PPFIA2: variants seen among roughly 807,000 people sequenced by gnomAD.
PPFIA2 encodes the protein PPFI scaffold protein A2.
A neutral mutation model predicts 175.5 loss-of-function variants in PPFIA2; 46 were observed. That is an observed-to-expected ratio of 0.26 (90% CI 0.21 to 0.34). The LOEUF (loss-of-function observed/expected upper bound fraction) is 0.34, where lower values mean the gene tolerates loss of function less well. PPFIA2 is among the 10% of genes least tolerant of loss of function. The pLI, the probability that PPFIA2 is intolerant of heterozygous loss-of-function variation, is 1.00. For synonymous variants in PPFIA2, 568 were observed against 511.4 expected (o/e 1.11, Z -1.49); for missense variants, 1,179 against 1,506.1 (o/e 0.78, Z 3.60).
intron 4 of PPFIA2, among the ~76,000 whole-genome samples, chr12:81,662,440 A>G (rs1420922981): frequency 6.6e-6 from 1 of 152,222 alleles, no homozygotes; most frequent in African/African-American, 2.4e-5. Context: ...CAAACAAACT[A>G]GAAAATCTAG....
chr12:81,278,373 T>C (rs914330438), intron 27 of PPFIA2, among the ~76,000 whole-genome samples: 3 of 152,010 alleles, frequency 2.0e-5, no homozygotes, highest in Non-Finnish European at 4.4e-5. Flanking sequence ...AAACCCCGTC[T>C]CTACTAAAAG....
At chr12:81,367,281 T>G (rs2033769709) in intron 13 of PPFIA2, 111 bp from the exon 14 acceptor site, 1 of 750,718 alleles carries the variant, frequency 1.3e-6, no homozygotes. Flanking sequence ...CTTCCTTAGT[T>G]CAGGTATTTC....
intron 23 of PPFIA2, among the ~76,000 whole-genome samples, chr12:81,295,802 C>A (rs765275534): frequency 6.8e-6 from 1 of 146,202 alleles, no homozygotes; most frequent in Non-Finnish European, 1.5e-5. Flanking sequence ...ACCAGCCTGG[C>A]CAACTTGGTG....
chr12:81,662,481 C>A (rs1300252226), intron 4 of PPFIA2, among the ~76,000 whole-genome samples: 1 of 152,144 alleles, frequency 6.6e-6, no homozygotes, highest in African/African-American at 2.4e-5. Flanking sequence ...GACACATACA[C>A]CCTCCCAAGA....
chr12:81,469,193 A>G (rs2056295748), intron 4 of PPFIA2, among the ~76,000 whole-genome samples: 1 of 152,224 alleles, frequency 6.6e-6, no homozygotes, highest in Non-Finnish European at 1.5e-5. Flanking sequence ...TGCCCTTGTC[A>G]GCCTAGTTTG....
intron 4 of PPFIA2, among the ~76,000 whole-genome samples, chr12:81,558,619 C>T (rs1318630497): frequency 6.6e-6 from 1 of 152,112 alleles, no homozygotes; most frequent in Non-Finnish European, 1.5e-5. Flanking sequence ...GAAGCCAGGA[C>T]AGCAGAAGGA....
chr12:81,353,385 T>C, intron 16 of PPFIA2, 46 bp from the exon 17 acceptor site: 12 of 1,377,760 alleles, frequency 8.7e-6, no homozygotes, highest in Non-Finnish European at 1.2e-5. Flanking sequence ...ATATTGCTCA[T>C]TTTCAAAGCA....
chr12:81,548,905 A>G (rs1320777361), intron 4 of PPFIA2, among the ~76,000 whole-genome samples: 2 of 152,200 alleles, frequency 1.3e-5, no homozygotes. Context: ...TTAAACAAAG[A>G]AACTGCAGGT....
At chr12:81,422,053 C>CAT (rs895055529) in intron 7 of PPFIA2, among the ~76,000 whole-genome samples, 75 of 141,844 alleles carry the variant, frequency 5.3e-4, no homozygotes, top group Admixed American at 9.3e-4. Context: ...TATATATATA[C>CAT]ATATATATAT....
intron 4 of PPFIA2, among the ~76,000 whole-genome samples, chr12:81,607,846 G>C (rs2060486763): frequency 6.6e-6 from 1 of 152,104 alleles, no homozygotes; most frequent in Admixed American, 6.6e-5. Context: ...TAGGCGTGGT[G>C]AGAATGGACA....
chr12:81,447,421 C>T (rs2051498538), intron 5 of PPFIA2, among the ~76,000 whole-genome samples: 1 of 152,094 alleles, frequency 6.6e-6, no homozygotes, highest in Admixed American at 6.5e-5. Flanking sequence ...TATGTCAAGC[C>T]TTTGCTTATG....
At chr12:81,648,900 T>A (rs1166974162) in intron 4 of PPFIA2, among the ~76,000 whole-genome samples, 3 of 151,918 alleles carry the variant, frequency 2.0e-5, no homozygotes, top group Non-Finnish European at 1.5e-5. Flanking sequence ...AGTTTTTTTT[T>A]AAAGAAATAT....
chr12:81,290,172 C>A (rs11114813), intron 24 of PPFIA2, among the ~76,000 whole-genome samples: 2 of 151,414 alleles, frequency 1.3e-5, no homozygotes. Flanking sequence ...GCTGAGGAAC[C>A]CAAGCCCAAA....
At chr12:81,263,728 A>G (rs1373347148) in intron 30 of PPFIA2, among the ~76,000 whole-genome samples, 1 of 152,234 alleles carries the variant, frequency 6.6e-6, no homozygotes, top group African/African-American at 2.4e-5. Context: ...GACGGGTTTT[A>G]TGGAAAGAGA....
chr12:81,309,031 T>C (rs573431942), intron 22 of PPFIA2, among the ~76,000 whole-genome samples: 1 of 152,316 alleles, frequency 6.6e-6, no homozygotes, highest in South Asian at 2.1e-4. Flanking sequence ...TCAAATAATG[T>C]GACAATGCAA....
At chr12:81,555,089 C>T (rs528237545) in intron 4 of PPFIA2, among the ~76,000 whole-genome samples, 2 of 151,914 alleles carry the variant, frequency 1.3e-5, no homozygotes, top group South Asian at 4.1e-4. Context: ...TGTGGTCACA[C>T]GAATCCTCAA....
chr12:81,383,092 G>T (rs2038111927), intron 9 of PPFIA2, among the ~76,000 whole-genome samples: 1 of 152,064 alleles, frequency 6.6e-6, no homozygotes, highest in East Asian at 1.9e-4. Context: ...TAACATGGAG[G>T]TCAGTAATGA....
At chr12:81,284,126 T>C (rs1010695864) in intron 25 of PPFIA2, 115 bp downstream of exon 25, 9 of 783,712 alleles carry the variant, frequency 1.1e-5, no homozygotes, top group African/African-American at 3.5e-5. Flanking sequence ...TATCATTGCA[T>C]GTAACTATAA....
chr12:81,289,745 A>G (rs2044398050), intron 24 of PPFIA2, among the ~76,000 whole-genome samples: 1 of 151,824 alleles, frequency 6.6e-6, no homozygotes, highest in African/African-American at 2.4e-5. Flanking sequence ...ATACACAAAA[A>G]TAGTTTTAGG....
Sources: gnomAD v4.1 joint callset for allele counts (sites outside exome capture counted in the v4.1 genomes callset) on GRCh38, gnomAD v4.1.1 for gene constraint, MANE v1.5 for transcripts, NCBI Gene and HGNC (gene_info 2026-07-23, HGNC 2026-07-21) for gene names.